HECTD4: variants seen among roughly 807,000 people sequenced by gnomAD.
HECTD4 encodes the protein probable E3 ubiquitin-protein ligase HECTD4.
Under a neutral mutation model 471.5 loss-of-function variants are expected in HECTD4, and 114 were observed. That is an observed-to-expected ratio of 0.24 (90% CI 0.21 to 0.28). The LOEUF is 0.28. Ranked by LOEUF, HECTD4 falls within the 10% of genes least tolerant of loss-of-function variation. HECTD4 has a pLI of 1.00. For synonymous variants in HECTD4, 2,012 were observed against 2,256.0 expected (o/e 0.89, Z 3.07); for missense variants, 3,866 against 5,651.5 (o/e 0.68, Z 10.13).
intron 69 of HECTD4, 97 bp from the exon 70 acceptor site, chr12:112,169,755 C>G: frequency 7.2e-7 from 1 of 1,379,726 alleles, no homozygotes; most frequent in Non-Finnish European, 1.0e-6. Flanking sequence ...CTGTGCCTGT[C>G]CCTGGACCCC....
Position 112,172,771 on chromosome 12 carries a change from C to G in HECTD4, c.11685G>C (p.Gln3895His). The change falls in exon 67 of 76, where the codon CAG becomes CAC. Residue 3895 changes from glutamine to histidine, a missense_variant. Gln to His is a conservative substitution (Grantham distance 24). Coordinates refer to ENST00000682272, the MANE Select transcript of HECTD4 (RefSeq NM_001388303.1). ...GTGTGATGGCGAGGTGGCGGCATAG[C>G]TGGTTGATGTACTGCACAAGTGCCA... ...MDVALVQYIN[Q>H]LCRHLAITPA... 1.9e-6 allele frequency: 3 copies of G among 1,613,992 alleles called. No homozygotes were observed. Among genetic ancestry groups the G allele is most frequent in the Non-Finnish European group, 2.5e-6 (3 of 1,179,898 alleles).
intron 1 of HECTD4, among the ~76,000 whole-genome samples, chr12:112,326,519 C>A (rs993367775): frequency 1.3e-5 from 2 of 151,934 alleles, no homozygotes; most frequent in Non-Finnish European, 2.9e-5. Context: ...ACAAAAAAAA[C>A]AGATGATCAA....
rs759052239 is a variant in HECTD4 at position 112,256,338 on chromosome 12, C to T, written c.3309G>A (p.Ser1103=). ...TACTTACTTTGTCATAGTCATATTGCGAAGAGCATCTGCTATCAAATCTAA... is the reference window on the plus strand; with the variant it reads ...TACTTACTTTGTCATAGTCATATTGTGAAGAGCATCTGCTATCAAATCTAA... ...LYLRFDSRCS[S]QYDYDKLVIY... is the part of the protein sequence containing the mutation. Residue 1103 remains serine, a synonymous_variant, in exon 21 of 76, where the codon TCG becomes TCA. Transcript: ENST00000682272. The T allele has an allele frequency of 3.7e-6, 6 of 1,602,694 alleles. No homozygotes were observed. The highest frequency in any genetic ancestry group is 1.1e-5 in the South Asian group (1 of 88,304).
chr12:112,300,405 T>C (rs1321016038), intron 7 of HECTD4, among the ~76,000 whole-genome samples: 10 of 152,180 alleles, frequency 6.6e-5, no homozygotes, highest in Admixed American at 3.3e-4. Flanking sequence ...CCAGGAATGC[T>C]ATTGGATAGC....
intron 60 of HECTD4, among the ~76,000 whole-genome samples, chr12:112,190,274 C>T (rs996360117): frequency 6.6e-6 from 1 of 152,156 alleles, no homozygotes; most frequent in Non-Finnish European, 1.5e-5. Context: ...CATCAGTATG[C>T]TTCATCCCTA....
At chr12:112,208,076 C>T in intron 51 of HECTD4, 76 bp from the exon 52 acceptor site, 2 of 1,525,176 alleles carry the variant, frequency 1.3e-6, no homozygotes, top group Non-Finnish European at 1.8e-6. Context: ...ACTTACAGCC[C>T]TCACCCTGAG....
At chr12:112,241,011 C>T (rs2033630969) in intron 32 of HECTD4, among the ~76,000 whole-genome samples, 1 of 152,064 alleles carries the variant, frequency 6.6e-6, no homozygotes, top group South Asian at 2.1e-4. Flanking sequence ...ACCTAATGTT[C>T]AAAAATAGGG....
chr12:112,169,986 C>T (rs183155285), intron 69 of HECTD4: 21 of 536,434 alleles, frequency 3.9e-5, no homozygotes, highest in African/African-American at 7.6e-5. Context: ...TCTGTCTATA[C>T]GCTGTGGCAG....
At chr12:112,336,187 A>G (rs1317378390) in intron 1 of HECTD4, among the ~76,000 whole-genome samples, 1 of 152,184 alleles carries the variant, frequency 6.6e-6, no homozygotes, top group Non-Finnish European at 1.5e-5. Context: ...CGACAAATAA[A>G]CTGCAAGGCA....
At chr12:112,256,691 G>C in intron 20 of HECTD4, 173 bp from the exon 21 acceptor site, 1 of 404,902 alleles carries the variant, frequency 2.5e-6, no homozygotes, top group Admixed American at 4.5e-5. Flanking sequence ...ACATTTAAGG[G>C]TTTTTTCTTT....
chr12:112,163,855 C>A lies in HECTD4; in HGVS notation c.12702-118G>T. ...TCTTGGGAGAGGCCTGGGGCCCAGC[C>A]GCCCTGGTCATCCCAGTCCTTTCCT... is the stretch of plus-strand genomic sequence containing the variant. On this transcript the variant is annotated intron_variant, in intron 73 of 75. Coordinates refer to ENST00000682272, the MANE Select transcript of HECTD4 (RefSeq NM_001388303.1). The surrounding 1 kb of genome is among the most constrained non-coding windows in gnomAD (Gnocchi z 8.2). The A allele has an allele frequency of 1.0e-6, 1 of 1,003,354 alleles. No individual in the cohort carries two copies. The highest frequency in any genetic ancestry group is 3.0e-5 in the East Asian group (1 of 33,580). 62.2% of individuals were successfully genotyped at this position (1,003,354 alleles called of 1,614,324 possible).
At chr12:112,212,719 G>A (rs886344012) in intron 48 of HECTD4, 69 bp from the exon 49 acceptor site, 16 of 1,342,056 alleles carry the variant, frequency 1.2e-5, no homozygotes, top group Middle Eastern at 5.1e-4. Flanking sequence ...ATTTGCAACC[G>A]GAGTGTCACC....
chr12:112,169,304 G>A (rs2031115657), intron 70 of HECTD4, among the ~76,000 whole-genome samples, 199 bp downstream of exon 70: 2 of 152,242 alleles, frequency 1.3e-5, no homozygotes, highest in South Asian at 4.1e-4. Context: ...AGCCCAGCAG[G>A]GACTGGCCGA....
Position 112,193,766 on chromosome 12 carries a change from A to G in HECTD4, c.8750-92T>C. On this transcript the variant is annotated intron_variant, in intron 56 of 75. Transcript: ENST00000682272. The surrounding 1 kb of genome is among the most constrained non-coding windows in gnomAD (Gnocchi z 5.2). ...AACAGAAAATGAATAACCCATCCAG[A>G]AACCCCAGATGGGAGGGTTATCCTG... 1 of 1,137,660 alleles carries G rather than the reference A, an allele frequency of 8.8e-7. No individual in the cohort carries two copies. The highest frequency in any genetic ancestry group is 2.6e-5 in the East Asian group (1 of 38,960). The allele number at this position is 1,137,660 out of a possible 1,614,324, so 70.5% of individuals were successfully genotyped here.
At chr12:112,344,865 C>G (rs2036119237) in intron 1 of HECTD4, among the ~76,000 whole-genome samples, 1 of 152,112 alleles carries the variant, frequency 6.6e-6, no homozygotes, top group Admixed American at 6.6e-5. Flanking sequence ...TTGCAGTGAG[C>G]TGAGATCACG....
chr12:112,233,585 A>G (rs2033435049), intron 37 of HECTD4, among the ~76,000 whole-genome samples: 1 of 152,118 alleles, frequency 6.6e-6, no homozygotes, highest in South Asian at 2.1e-4. Context: ...GAAATAATTT[A>G]TTACTGCTTA....
In HECTD4 at chr12:112,179,097, G is replaced by A; in HGVS notation, c.11212-15C>T. On this transcript the variant is annotated splice_polypyrimidine_tract_variant and intron_variant, in intron 63 of 75. Coordinates refer to ENST00000682272, the MANE Select transcript of HECTD4 (RefSeq NM_001388303.1). The surrounding 1 kb of genome is among the most constrained non-coding windows in gnomAD (Gnocchi z 4.3). The stretch of plus-strand genomic sequence containing the variant: ...TTCCTCAGGATCTGTGGAGCACAGA[G>A]GCAGCGGGGAGGCTCTCAGGTTCGC... The A allele has an allele frequency of 6.2e-7, 1 of 1,613,928 alleles. No homozygotes were observed. The highest frequency in any genetic ancestry group is 8.5e-7 in the Non-Finnish European group (1 of 1,179,890).
chr12:112,172,980 G>A (rs2031291044), intron 66 of HECTD4, 119 bp from the exon 67 acceptor site: 2 of 853,216 alleles, frequency 2.3e-6, no homozygotes, highest in South Asian at 3.1e-5. Context: ...AGACGGCCTC[G>A]CCTTCCAGGT....
chr12:112,319,469 A>G lies in HECTD4; in HGVS notation c.451T>C (p.Phe151Leu). Residue 151 changes from phenylalanine (F) to leucine (L), a missense_variant, in exon 2 of 76, where the codon TTC (phenylalanine) becomes CTC (leucine). Transcript: ENST00000682272. The surrounding 1 kb of genome is among the most constrained non-coding windows in gnomAD (Gnocchi z 5.3). ...CTACTCTGGGACTGAATAAGGGGGA[A>G]GACCAGCAGGAGCCCCATCCTCGAT... is the stretch of plus-strand genomic sequence containing the variant. ...FTSRMGLLLV[F>L]PLIQSQSRTD... is the part of the protein sequence containing the mutation. 1 of 1,522,112 alleles carries G rather than the reference A, an allele frequency of 6.6e-7. No homozygotes were observed. The highest frequency in any genetic ancestry group is 8.8e-7 in the Non-Finnish European group (1 of 1,138,184). 94.3% of individuals were successfully genotyped at this position (1,522,112 alleles called of 1,614,324 possible). A position where few individuals can be genotyped will look rare whatever the true frequency, so the allele number is the denominator to read the frequency against.
Sources: gnomAD v4.1 joint callset for allele counts (sites outside exome capture counted in the v4.1 genomes callset) on GRCh38, gnomAD v4.1.1 for gene constraint, Gnocchi (gnomAD v3.1) non-coding constraint, MANE v1.5 for transcripts, NCBI Gene and HGNC (gene_info 2026-07-23, HGNC 2026-07-21) for gene names.